Variants in KIF5C observed in about 807,000 individuals in gnomAD.
KIF5C encodes the protein kinesin heavy chain isoform 5C.
In KIF5C, 18 loss-of-function variants were observed where a neutral mutation model predicts 125.2. The ratio of observed to expected loss-of-function variants is 0.14; its 90% CI spans 0.10 to 0.21. The LOEUF is 0.21. KIF5C is among the 10% of genes least tolerant of loss of function. The pLI is 1.00. For missense variants in KIF5C, 780 were observed against 1,183.8 expected (o/e 0.66, Z 5.01); for synonymous variants, 405 against 434.0 (o/e 0.93, Z 0.83).
rs201033625 is a variant in KIF5C, at chr2:148,957,592, TAA to T, written c.969-4355_969-4354del. 3.4e-3 allele frequency among the ~76,000 whole-genome samples: 247 copies of T among 71,778 alleles called. 1 individual carries two copies. Among genetic ancestry groups the T allele is most frequent in the African/African-American group, 9.1e-3 (221 of 24,224 alleles). 47.1% of individuals were successfully genotyped at this position (71,778 alleles called of 152,430 possible). On this transcript the variant is annotated intron_variant, in intron 10 of 25. Transcript: ENST00000435030. Reference sequence around the variant, plus strand: ...CTAGATAGGAGAATGTTTGTTCTAGTAAAAAAAAAAAAAAAAAAAAAAAAACA... The same window carrying T: ...CTAGATAGGAGAATGTTTGTTCTAGTAAAAAAAAAAAAAAAAAAAAAAACA...
intron 25 of KIF5C, among the ~76,000 whole-genome samples, chr2:149,019,186 C>A (rs897898356): frequency 6.6e-6 from 1 of 152,054 alleles, no homozygotes; most frequent in Non-Finnish European, 1.5e-5. Context: ...TCACACCAGA[C>A]AAGATTCTTG....
intron 11 of KIF5C, among the ~76,000 whole-genome samples, chr2:148,969,459 G>GTGTA (rs1259256168): frequency 7.5e-4 from 113 of 151,446 alleles, no homozygotes; most frequent in Middle Eastern, 3.4e-3. Flanking sequence ...GTGTGTGTGT[G>GTGTA]TGTATGTGTG....
At chr2:149,004,396 AT>A (rs988799325) in intron 21 of KIF5C, among the ~76,000 whole-genome samples, 18 of 152,176 alleles carry the variant, frequency 1.2e-4, no homozygotes, top group African/African-American at 3.4e-4. Context: ...ATAGGAAAAT[AT>A]TTTGCAAGGA....
At chr2:148,989,238 T>C (rs1045885906) in intron 15 of KIF5C, among the ~76,000 whole-genome samples, 1 of 152,168 alleles carries the variant, frequency 6.6e-6, no homozygotes, top group Non-Finnish European at 1.5e-5. Flanking sequence ...TCTTGAGTTA[T>C]TAATACTTCA....
chr2:148,881,917 T>G (rs1222730458), intron 1 of KIF5C, among the ~76,000 whole-genome samples: 1 of 152,154 alleles, frequency 6.6e-6, no homozygotes, highest in Admixed American at 6.6e-5. Flanking sequence ...CCTAATGGTT[T>G]CTCTTGAGTT....
intron 1 of KIF5C, among the ~76,000 whole-genome samples, chr2:148,887,694 T>A (rs991399294): frequency 1.7e-4 from 25 of 144,786 alleles, no homozygotes; most frequent in Admixed American, 4.7e-4. Context: ...TTTTTTTTTT[T>A]AAATTCAACT....
chr2:148,917,001 A>G (rs1365864581), intron 1 of KIF5C, among the ~76,000 whole-genome samples: 2 of 152,198 alleles, frequency 1.3e-5, no homozygotes, highest in African/African-American at 4.8e-5. Context: ...GAAAAATTAT[A>G]CAATTTTAAA....
chr2:148,969,545 A>G lies in KIF5C; in HGVS notation c.1118-3791A>G, dbSNP rs375248278. Among the ~76,000 whole-genome samples, 4 of 152,112 alleles carry G rather than the reference A, an allele frequency of 2.6e-5. No individual in the cohort carries two copies. In the South Asian group the frequency reaches 6.2e-4, roughly 24 times the overall value. On this transcript the variant is annotated intron_variant, in intron 11 of 25. Coordinates refer to ENST00000435030, the MANE Select transcript of KIF5C (RefSeq NM_004522.3). ...ACAGCAGGTATAAGCCTCCGGGGCT[A>G]AACTAAGAGAAATCTGCTTTTAATG...
At chr2:148,956,900 CA>C (rs1682805142) in intron 10 of KIF5C, among the ~76,000 whole-genome samples, 1 of 152,202 alleles carries the variant, frequency 6.6e-6, no homozygotes, top group African/African-American at 2.4e-5. Flanking sequence ...TTGGATTAAT[CA>C]AATAGTATCA....
At chr2:148,959,293 T>G (rs1682870425) in intron 10 of KIF5C, among the ~76,000 whole-genome samples, 1 of 152,190 alleles carries the variant, frequency 6.6e-6, no homozygotes, top group Non-Finnish European at 1.5e-5. Context: ...CAGTTTTACT[T>G]TATAAGAAAG....
chr2:148,953,718 G>C (rs1416089083), intron 10 of KIF5C, among the ~76,000 whole-genome samples: 1 of 152,128 alleles, frequency 6.6e-6, no homozygotes, highest in Non-Finnish European at 1.5e-5. Context: ...TGTTCTGCTT[G>C]ACTGTACTGA....
chr2:148,930,431 G>A (rs919782777), intron 3 of KIF5C, among the ~76,000 whole-genome samples: 5 of 151,980 alleles, frequency 3.3e-5, no homozygotes, highest in African/African-American at 1.2e-4. Flanking sequence ...GGTGGTAAGC[G>A]TGGTTATTAT....
intron 3 of KIF5C, 149 bp from the exon 4 acceptor site, chr2:148,937,135 C>T: frequency 8.6e-7 from 1 of 1,160,268 alleles, no homozygotes; most frequent in Non-Finnish European, 1.2e-6. Context: ...GTTGGCAAGT[C>T]AGGTAGATGC....
chr2:149,022,009 G>A (rs770296372), intron 25 of KIF5C, among the ~76,000 whole-genome samples: 2 of 152,148 alleles, frequency 1.3e-5, no homozygotes, highest in Admixed American at 6.5e-5. Context: ...TGGTCTAGAC[G>A]TTCATCCTGG....
intron 1 of KIF5C, among the ~76,000 whole-genome samples, chr2:148,912,061 T>C (rs183929525): frequency 2.6e-5 from 4 of 152,328 alleles, no homozygotes; most frequent in Admixed American, 2.0e-4. Context: ...ACGAATCTGA[T>C]AAGCTAATTG....
intron 1 of KIF5C, chr2:148,883,717 A>G (rs1233300431): frequency 1.3e-5 from 2 of 152,162 alleles, no homozygotes; most frequent in Admixed American, 6.5e-5. Context: ...TCAGCATTCT[A>G]AAAGTTGCAT....
chr2:148,979,033 T>C, intron 13 of KIF5C, 43 bp downstream of exon 13: 1 of 1,497,314 alleles, frequency 6.7e-7, no homozygotes, highest in Non-Finnish European at 8.9e-7. Flanking sequence ...AGTTCTTCTA[T>C]TACTCTTTGT....
At chr2:148,967,336 G>A (rs1454794125) in intron 11 of KIF5C, among the ~76,000 whole-genome samples, 1 of 152,202 alleles carries the variant, frequency 6.6e-6, no homozygotes, top group Admixed American at 6.5e-5. Flanking sequence ...AACAGGCTCC[G>A]ACAAGTGTAG....
At chr2:149,009,724 A>G (rs964888991) in intron 23 of KIF5C, among the ~76,000 whole-genome samples, 2 of 152,206 alleles carry the variant, frequency 1.3e-5, no homozygotes, top group African/African-American at 4.8e-5. Flanking sequence ...GAGCTCAGGA[A>G]CATGCTTGTT....
Sources: allele counts gnomAD v4.1 joint callset (sites outside exome capture counted in the v4.1 genomes callset), GRCh38; gene constraint gnomAD v4.1.1; transcripts MANE v1.5; gene names NCBI Gene and HGNC (gene_info 2026-07-23, HGNC 2026-07-21).